Variants in C8orf74 observed in about 807,000 individuals in gnomAD.
The protein encoded by C8orf74 is chromosome 8 open reading frame 74.
In C8orf74, 29 loss-of-function variants were observed where a neutral mutation model predicts 22.2. The observed-to-expected ratio is 1.31, with a 90% CI of 0.97 to 1.78. C8orf74 has a LOEUF of 1.78. C8orf74 is among the 40% of genes most tolerant of loss of function. The pLI is 0.00. For missense variants in C8orf74, 515 were observed against 369.9 expected (o/e 1.39, Z -3.22); for synonymous variants, 255 against 163.1 (o/e 1.56, Z -4.30).
chr8:10,673,145 C>T (rs1016336431), intron 1 of C8orf74, among the ~76,000 whole-genome samples: 1 of 152,154 alleles, frequency 6.6e-6, no homozygotes, highest in Non-Finnish European at 1.5e-5. Context: ...CCCTCTGTCA[C>T]TAAGGCCACC....
chr8:10,685,692 G>T (rs541295427), intron 2 of C8orf74, among the ~76,000 whole-genome samples: 1 of 152,306 alleles, frequency 6.6e-6, no homozygotes, highest in African/African-American at 2.4e-5. Flanking sequence ...AGTTTGGGAT[G>T]ATAAGAAAGC....
intron 2 of C8orf74, among the ~76,000 whole-genome samples, chr8:10,688,040 A>G (rs1337830943): frequency 6.6e-6 from 1 of 152,106 alleles, no homozygotes; most frequent in African/African-American, 2.4e-5. Flanking sequence ...GTCTGTGTCT[A>G]CTAAAAATAC....
intron 2 of C8orf74, among the ~76,000 whole-genome samples, chr8:10,695,032 T>C (rs184178032): frequency 1.3e-3 from 188 of 149,076 alleles, no homozygotes; most frequent in African/African-American, 4.3e-3. Flanking sequence ...GGTGAAAGAA[T>C]GGATGAATGG....
intron 3 of C8orf74, 116 bp downstream of exon 3, chr8:10,698,121 G>A: frequency 9.5e-7 from 1 of 1,053,950 alleles, no homozygotes; most frequent in South Asian, 1.9e-5. Context: ...GGGGAGAGAT[G>A]CAGGGAGGAA....
intron 3 of C8orf74, among the ~76,000 whole-genome samples, chr8:10,699,782 G>T (rs1049739652): frequency 6.6e-6 from 1 of 152,366 alleles, no homozygotes; most frequent in South Asian, 2.1e-4. Flanking sequence ...TGGGGGCCCA[G>T]GGTATCCAGA....
At chr8:10,689,812 A>C (rs1276426783) in intron 2 of C8orf74, 1 of 152,236 alleles carries the variant, frequency 6.6e-6, no homozygotes, top group Non-Finnish European at 1.5e-5. Context: ...CATTAAGCGG[A>C]AGTGGATTAT....
intron 2 of C8orf74, among the ~76,000 whole-genome samples, chr8:10,694,977 T>C (rs1024854720): frequency 1.3e-5 from 2 of 150,090 alleles, no homozygotes; most frequent in Non-Finnish European, 3.0e-5. Flanking sequence ...GACGGATGGA[T>C]GGATGGATAA....
intron 2 of C8orf74, chr8:10,688,384 C>A (rs1799305709): frequency 6.6e-6 from 1 of 152,164 alleles, no homozygotes; most frequent in South Asian, 2.1e-4. Flanking sequence ...GGCCAAATAA[C>A]TTCTGCAAGT....
rs373676687 is a variant in C8orf74 at position 10,681,881 on chromosome 8, C to T, written c.241+7043C>T. 4.5e-4 allele frequency among the ~76,000 whole-genome samples: 68 copies of T among 152,222 alleles called. 1 individual carries two copies. The South Asian group carries it at 9.1e-3, about 20-fold the overall frequency. On this transcript the variant is annotated intron_variant, in intron 2 of 3. Transcript: ENST00000304519. ...GTCATGGTCCTGGCATCTGCAGTTC[C>T]ACCCATGGCCACTCCTGGTTCTAAA...
chr8:10,698,120 T>C (rs1799572781), intron 3 of C8orf74, 115 bp downstream of exon 3: 4 of 1,055,304 alleles, frequency 3.8e-6, no homozygotes, highest in Non-Finnish European at 5.2e-6. Context: ...GGGGGAGAGA[T>C]GCAGGGAGGA....
intron 1 of C8orf74, among the ~76,000 whole-genome samples, chr8:10,674,154 C>T: frequency 7.5e-6 from 1 of 133,606 alleles, no homozygotes; most frequent in African/African-American, 2.9e-5. Context: ...CCACACATCA[C>T]ACCCTGCAGC....
At chr8:10,686,810 A>G (rs1382846510) in intron 2 of C8orf74, 1 of 195,628 alleles carries the variant, frequency 5.1e-6, no homozygotes, top group Non-Finnish European at 1.1e-5. Flanking sequence ...GATAAAGCAC[A>G]AGGGCCTGTT....
chr8:10,695,834 G>T (rs1029090875), intron 2 of C8orf74, among the ~76,000 whole-genome samples: 33 of 152,302 alleles, frequency 2.2e-4, no homozygotes, highest in African/African-American at 7.2e-4. Context: ...TCGGGGAAAA[G>T]CCCGGCTCCT....
At chr8:10,699,960 G>A (rs1005024499) in intron 3 of C8orf74, among the ~76,000 whole-genome samples, 7 of 152,264 alleles carry the variant, frequency 4.6e-5, no homozygotes, top group Non-Finnish European at 8.8e-5. Flanking sequence ...TATAGGCAAG[G>A]GCTGAGGGAC....
intron 2 of C8orf74, among the ~76,000 whole-genome samples, chr8:10,697,133 G>A (rs1044316687): frequency 6.6e-6 from 1 of 152,168 alleles, no homozygotes; most frequent in Non-Finnish European, 1.5e-5. Flanking sequence ...AAAAGCTAAT[G>A]CATGGTAATA....
chr8:10,678,100 CT>C (rs1303351514), intron 2 of C8orf74, among the ~76,000 whole-genome samples: 3 of 152,184 alleles, frequency 2.0e-5, no homozygotes, highest in Admixed American at 1.3e-4. Context: ...GAAACAAGCT[CT>C]TAGGTGGGCT....
At chr8:10,694,386 G>T (rs1799445372) in intron 2 of C8orf74, among the ~76,000 whole-genome samples, 1 of 152,082 alleles carries the variant, frequency 6.6e-6, no homozygotes, top group Non-Finnish European at 1.5e-5. Flanking sequence ...AGGTTATTTT[G>T]CCAAGGTTAA....
At chr8:10,686,622 A>C (rs984158562) in intron 2 of C8orf74, 3 of 155,188 alleles carry the variant, frequency 1.9e-5, no homozygotes, top group African/African-American at 7.2e-5. Context: ...TTAGAAGCTA[A>C]GCAGAGTCGG....
chr8:10,689,137 C>T (rs1034642792), intron 2 of C8orf74: 30 of 152,332 alleles, frequency 2.0e-4, no homozygotes, highest in African/African-American at 6.0e-4. Flanking sequence ...GAAATAGACA[C>T]CAATCCCTTC....
Sources: allele counts gnomAD v4.1 joint callset (sites outside exome capture counted in the v4.1 genomes callset), GRCh38; gene constraint gnomAD v4.1.1; transcripts MANE v1.5; gene names NCBI Gene and HGNC (gene_info 2026-07-23, HGNC 2026-07-21).